Variants in RASEF observed in about 807,000 individuals in gnomAD.
The protein encoded by RASEF is RAS and EF-hand domain containing, also known as ras and EF-hand domain-containing protein.
RASEF carries 68 observed loss-of-function variants against 90.1 expected under a neutral mutation model. The ratio of observed to expected loss-of-function variants is 0.75; its 90% CI spans 0.62 to 0.92. The LOEUF is 0.92. Among genes scored for constraint, RASEF ranks in the 40% least tolerant of loss-of-function variants. RASEF has a pLI of 0.00. For missense variants in RASEF, 949 were observed against 937.2 expected (o/e 1.01, Z -0.16); for synonymous variants, 331 against 345.2 (o/e 0.96, Z 0.46).
chr9:83,005,238 G>T (rs1829107653), intron 8 of RASEF, among the ~76,000 whole-genome samples, 178 bp downstream of exon 8: 2 of 152,258 alleles, frequency 1.3e-5, no homozygotes, highest in South Asian at 4.2e-4. Flanking sequence ...TTCTTCAGAG[G>T]AGTAGCATAT....
chr9:83,068,458 C>A, the RASEF span, among the ~76,000 whole-genome samples: 1 of 152,114 alleles, frequency 6.6e-6, no homozygotes, highest in Non-Finnish European at 1.5e-5. Context: ...GTGGCTAGGA[C>A]CTGAAGATAG....
chr9:83,095,643 A>C, the RASEF span, among the ~76,000 whole-genome samples: 3 of 151,974 alleles, frequency 2.0e-5, no homozygotes, highest in East Asian at 3.9e-4. Context: ...AAAATACCTA[A>C]TTTGTATATA....
intron 1 of RASEF, among the ~76,000 whole-genome samples, chr9:83,053,759 G>T (rs1442217965): frequency 6.9e-6 from 1 of 145,546 alleles, no homozygotes. Context: ...AAATCTCTCA[G>T]CATTTGCTCG....
At chr9:83,184,727 T>C in the RASEF span, among the ~76,000 whole-genome samples, 1 of 152,178 alleles carries the variant, frequency 6.6e-6, no homozygotes, top group Non-Finnish European at 1.5e-5. Context: ...GTTACATGTA[T>C]TTGACATCTC....
At chr9:83,103,847 T>C in the RASEF span, among the ~76,000 whole-genome samples, 3 of 152,208 alleles carry the variant, frequency 2.0e-5, no homozygotes, top group Admixed American at 2.0e-4. Context: ...ATTCTTGTTA[T>C]AATACATTTG....
chr9:82,986,066 T>C (rs1347134923), intron 16 of RASEF, among the ~76,000 whole-genome samples: 1 of 152,004 alleles, frequency 6.6e-6, no homozygotes, highest in Non-Finnish European at 1.5e-5. Context: ...CCAGAAGCTG[T>C]GTGGATGGAA....
chr9:83,178,538 T>C, the RASEF span, among the ~76,000 whole-genome samples: 3 of 152,156 alleles, frequency 2.0e-5, no homozygotes, highest in East Asian at 1.9e-4. Context: ...TCCACTGCTA[T>C]GTGTGTCTTC....
rs74982661 is a variant in RASEF, at chr9:83,049,262, T to C, written c.431+13175A>G. 2,985 of 973,924 alleles carry C rather than the reference T, an allele frequency of 3.1e-3. 54 individuals carry two copies. The African/African-American group carries it at 0.049, about 16-fold the overall frequency. The allele number at this position is 973,924 out of a possible 1,614,324, so 60.3% of individuals were successfully genotyped here. ...CAACAGCATCAGTACATTTCTAAAA[T>C]CGACACACATTTACAAAATCAATGA... On this transcript the variant is annotated intron_variant, in intron 1 of 16. Transcript: ENST00000376447.
At chr9:83,076,165 A>AG in the RASEF span, among the ~76,000 whole-genome samples, 1 of 139,018 alleles carries the variant, frequency 7.2e-6, no homozygotes, top group African/African-American at 3.0e-5. Context: ...AGACTGTCTC[A>AG]GAAAAAAAAA....
the RASEF span, among the ~76,000 whole-genome samples, chr9:83,198,843 G>T: frequency 6.6e-6 from 1 of 151,642 alleles, no homozygotes; most frequent in Non-Finnish European, 1.5e-5. Flanking sequence ...TGGGGGGGAG[G>T]GATAAATGTA....
At chr9:83,076,166 G>GA in the RASEF span, among the ~76,000 whole-genome samples, 27,119 of 127,036 alleles carry the variant, frequency 0.21, 3,531 homozygotes, top group African/African-American at 0.41. Flanking sequence ...GACTGTCTCA[G>GA]AAAAAAAAAA....
chr9:83,015,863 C>T lies in RASEF; in HGVS notation c.707G>A (p.Arg236Lys). The T allele has an allele frequency of 6.2e-7, 1 of 1,613,984 alleles. No homozygotes were observed. Among genetic ancestry groups the T allele is most frequent in the Non-Finnish European group, 8.5e-7 (1 of 1,179,922 alleles). ...TCCTACTTCAGTTTCATACTGACGTCTGAGGTCACTGAGGGCTTCCTCAGC... is the reference window on the plus strand; with the variant it reads ...TCCTACTTCAGTTTCATACTGACGTTTGAGGTCACTGAGGGCTTCCTCAGC... ...RKAEEALSDL[R>K]RQYETEVGDL... Residue 236 changes from arginine (R) to lysine (K), a missense_variant, in exon 4 of 17, where the codon AGA (arginine) becomes AAA (lysine). Physicochemically the swap from Arg to Lys is conservative, Grantham distance 26. Transcript: ENST00000376447.
intron 1 of RASEF, among the ~76,000 whole-genome samples, chr9:83,044,672 C>G (rs1029449970): frequency 6.6e-6 from 1 of 152,134 alleles, no homozygotes; most frequent in Non-Finnish European, 1.5e-5. Flanking sequence ...CATTCAAAAA[C>G]GCTCTGTGAT....
chr9:83,123,497 A>C, the RASEF span, among the ~76,000 whole-genome samples: 1 of 152,102 alleles, frequency 6.6e-6, no homozygotes, highest in African/African-American at 2.4e-5. Flanking sequence ...TCCCTGGTTA[A>C]TCCTCACTTC....
chr9:83,196,715 G>A, the RASEF span, among the ~76,000 whole-genome samples: 4 of 152,198 alleles, frequency 2.6e-5, no homozygotes, highest in African/African-American at 9.7e-5. Flanking sequence ...CTGACTGTCT[G>A]ACTCCTTTAA....
chr9:83,172,396 C>A, the RASEF span, among the ~76,000 whole-genome samples: 3 of 151,706 alleles, frequency 2.0e-5, no homozygotes, highest in Admixed American at 6.6e-5. Context: ...ATGGTAAGGA[C>A]TTACTACTGT....
the RASEF span, among the ~76,000 whole-genome samples, chr9:83,154,327 T>C: frequency 1.3e-5 from 2 of 152,216 alleles, no homozygotes; most frequent in Admixed American, 1.3e-4. Flanking sequence ...TTTGGCCTCT[T>C]TGCTTTATCT....
At chr9:83,033,596 G>C (rs745534961) in intron 1 of RASEF, among the ~76,000 whole-genome samples, 1 of 152,220 alleles carries the variant, frequency 6.6e-6, no homozygotes, top group Non-Finnish European at 1.5e-5. Flanking sequence ...GGGATGTCCC[G>C]AAAGGATGGG....
chr9:83,145,469 T>C, the RASEF span, among the ~76,000 whole-genome samples: 1 of 152,060 alleles, frequency 6.6e-6, no homozygotes, highest in African/African-American at 2.4e-5. Context: ...CCTGAGTTCG[T>C]TTAGGGCCCA....
Sources: allele counts gnomAD v4.1 joint callset (sites outside exome capture counted in the v4.1 genomes callset), GRCh38; gene constraint gnomAD v4.1.1; transcripts MANE v1.5; gene names NCBI Gene and HGNC (gene_info 2026-07-23, HGNC 2026-07-21).